The following DNHD1 variants were observed in gnomAD, a reference collection of about 807,000 sequenced individuals.
DNHD1 encodes dynein heavy chain domain-containing protein 1.
A neutral mutation model predicts 458.1 loss-of-function variants in DNHD1; 383 were observed. That is an observed-to-expected ratio of 0.84 (90% CI 0.77 to 0.91). DNHD1 has a LOEUF of 0.91. Ranked by LOEUF, DNHD1 falls within the 40% of genes least tolerant of loss-of-function variation. The probability of loss-of-function intolerance (pLI) is 0.00; values close to 1 mark genes in which losing one functional copy is unlikely to be tolerated. For missense variants in DNHD1, 5,336 were observed against 5,866.1 expected, an observed-to-expected ratio of 0.91 and a Z score of 2.95; for synonymous variants, 2,203 against 2,376.9, an observed-to-expected ratio of 0.93 and a Z score of 2.13.
At position 6,568,248 on chromosome 11, in the gene DNHD1, T is replaced by C; in HGVS notation, c.12538+6T>C. On this transcript the variant is annotated splice_donor_region_variant and intron_variant, in intron 37 of 42. Coordinates refer to ENST00000254579, the MANE Select transcript of DNHD1 (RefSeq NM_144666.3). Reference sequence around the variant, plus strand: ...ACTGTTAGGCAGAGCCAAGGGTGAGTTTATTGCCTAGATTGGCTTCCAGGA... The same window carrying C: ...ACTGTTAGGCAGAGCCAAGGGTGAGCTTATTGCCTAGATTGGCTTCCAGGA... 1 of 1,544,568 alleles carries C rather than the reference T, an allele frequency of 6.5e-7. No homozygotes were observed. The highest frequency in any genetic ancestry group is 8.8e-7 in the Non-Finnish European group (1 of 1,141,426).
At chr11:6,535,533 G>T (rs1166493003) in intron 14 of DNHD1, among the ~76,000 whole-genome samples, 1 of 152,196 alleles carries the variant, frequency 6.6e-6, no homozygotes, top group Non-Finnish European at 1.5e-5. Flanking sequence ...GTATTAAAGT[G>T]TTTAAAAAAG....
rs779739123 is a variant in DNHD1, at chr11:6,519,606, G to C, written c.1399G>C (p.Glu467Gln). ...TTCCACTCTATGCTCACAGGTTCACGAGGACACATACCACATGCAACAGTG... is the reference window on the plus strand; with the variant it reads ...TTCCACTCTATGCTCACAGGTTCACCAGGACACATACCACATGCAACAGTG... ...LCTSILRLVH[E>Q]DTYHMQQCLQ... is the part of the protein sequence containing the mutation. Residue 467 changes from glutamate to glutamine, a missense_variant, in exon 8 of 43, where the codon GAG (glutamate) becomes CAG (glutamine). Transcript: ENST00000254579. The C allele has an allele frequency of 5.0e-6, 8 of 1,614,048 alleles. No individual in the cohort carries two copies. Among genetic ancestry groups the C allele is most frequent in the Non-Finnish European group, 6.8e-6 (8 of 1,180,004 alleles).
Position 6,509,175 on chromosome 11 carries a change from G to A in DNHD1, c.1138G>A (p.Val380Met). The change falls in exon 6 of 43, where the codon GTG becomes ATG. Residue 380 changes from valine to methionine, a missense_variant. Coordinates refer to ENST00000254579, the MANE Select transcript of DNHD1 (RefSeq NM_144666.3). The part of the protein sequence containing the change: ...RKSFTCWKKN[V>M]RLQGLHRLQK... ...TCTAATTTCTAGTTGGAAGAAGAAT[G>A]TGAGATTACAGGGGCTGCATCGACT... 6.2e-7 allele frequency: 1 copy of A among 1,614,224 alleles called. No individual in the cohort carries two copies. Among genetic ancestry groups the A allele is most frequent in the Non-Finnish European group, 8.5e-7 (1 of 1,180,050 alleles).
intron 12 of DNHD1, among the ~76,000 whole-genome samples, chr11:6,530,445 G>A (rs1852802771): frequency 6.6e-6 from 1 of 152,202 alleles, no homozygotes; most frequent in African/African-American, 2.4e-5. Flanking sequence ...GGCTCACAGC[G>A]GGGTAGATTT....
At position 6,498,268 on chromosome 11, in the gene DNHD1, A is replaced by G. The variant is rs1391477071; in HGVS notation, c.53A>G (p.Asp18Gly). ...VGLSSDETSS[D>G]SLKSWHSICV... is the part of the protein sequence containing the mutation. ...TTGTCTTCTGATGAGACATCATCTG[A>G]TTCCCTTAAGTCTTGGCACTCCATA... is the stretch of plus-strand genomic sequence containing the variant. Residue 18 changes from aspartate (D) to glycine (G), a missense_variant, in exon 3 of 43, where the codon GAT (aspartate) becomes GGT (glycine). Asp to Gly is a moderately conservative substitution (Grantham distance 94). This residue lies in a region of DNHD1 where 3,932 missense variants were observed against 4,365.6 expected (regional missense o/e 0.90). Coordinates refer to ENST00000254579, the MANE Select transcript of DNHD1 (RefSeq NM_144666.3). The G allele has an allele frequency of 1.2e-6, 2 of 1,614,052 alleles. No homozygotes were observed. Among genetic ancestry groups the G allele is most frequent in the East Asian group, 4.5e-5 (2 of 44,882 alleles).
At chr11:6,569,920 A>G in intron 39 of DNHD1, 89 bp from the exon 40 acceptor site, 1 of 1,114,144 alleles carries the variant, frequency 9.0e-7, no homozygotes, top group Non-Finnish European at 1.3e-6. Flanking sequence ...CCCGAAGCTC[A>G]GGAGAGAGGT....
At position 6,533,932 on chromosome 11, in the gene DNHD1, A is replaced by C. The variant is rs1039102431; in HGVS notation, c.2757A>C (p.Lys919Asn). 10 of 1,551,164 alleles carry C rather than the reference A, an allele frequency of 6.4e-6. No homozygotes were observed. Among genetic ancestry groups the C allele is most frequent in the Non-Finnish European group, 8.7e-6 (10 of 1,146,904 alleles). ...LDMWEAFQFEKSQASEFLLSK... is the reference protein window; with the variant it reads ...LDMWEAFQFENSQASEFLLSK... ...TGTGGGAGGCATTTCAGTTTGAGAA[A>C]AGCCAGGCTTCAGAGTTCCTGCTCA... is the stretch of plus-strand genomic sequence containing the variant. Residue 919 changes from lysine (K) to asparagine (N), a missense_variant, in exon 14 of 43, where the codon AAA becomes AAC. Physicochemically the swap from Lys to Asn is moderately conservative, Grantham distance 94. This residue lies in a region of DNHD1 where 3,932 missense variants were observed against 4,365.6 expected (regional missense o/e 0.90). Coordinates refer to ENST00000254579, the MANE Select transcript of DNHD1 (RefSeq NM_144666.3).
intron 34 of DNHD1, 57 bp downstream of exon 34, chr11:6,566,450 C>T (rs1049822203): frequency 6.5e-6 from 10 of 1,548,004 alleles, no homozygotes; most frequent in Non-Finnish European, 8.7e-6. Context: ...AGGCCCTCAG[C>T]ACCAGCCCTA....
chr11:6,532,156 A>G (rs1365367927), intron 12 of DNHD1, among the ~76,000 whole-genome samples: 1 of 152,182 alleles, frequency 6.6e-6, no homozygotes. Context: ...CCATATTTCT[A>G]TATTGTATTT....
intron 26 of DNHD1, 45 bp downstream of exon 26, chr11:6,558,738 C>T: frequency 6.5e-7 from 1 of 1,539,222 alleles, no homozygotes; most frequent in South Asian, 1.2e-5. Context: ...CTACCAGGCT[C>T]TAATGAGGGT....
At position 6,540,503 on chromosome 11, in the gene DNHD1, A is replaced by G. The variant is rs115349443; in HGVS notation, c.3628+420A>G. 6.1e-3 allele frequency among the ~76,000 whole-genome samples: 934 copies of G among 152,292 alleles called. 13 individuals carry two copies. The highest frequency in any genetic ancestry group is 0.021 in the African/African-American group (891 of 41,556). ...TGTGCTAAACACAGGAGACCTTGAG[A>G]CTTACAGACAGTATCCCTGTCCCCC... On this transcript the variant is annotated intron_variant, in intron 18 of 42. Transcript: ENST00000254579.
Position 6,571,764 on chromosome 11 carries a change from T to G in DNHD1, c.14040T>G (p.Pro4680=). ...ACAGTCCTTCCAGCCAACCCAGCCC[T>G]CTGCCTCCCGTCAGCATCAGCACAC... ...LQDSPSSQPS[P]LPPVSISTQA... is the part of the protein sequence containing the mutation. Residue 4680 remains proline, a synonymous_variant, in exon 43 of 43, where the codon CCT becomes CCG. Transcript: ENST00000254579. The surrounding 1 kb of genome is among the most constrained non-coding windows in gnomAD (Gnocchi z 5.0). 6.2e-7 allele frequency: 1 copy of G among 1,613,768 alleles called. No individual in the cohort carries two copies. Among genetic ancestry groups the G allele is most frequent in the Non-Finnish European group, 8.5e-7 (1 of 1,179,802 alleles).
chr11:6,547,702 G>A (rs1853253746), intron 21 of DNHD1, 36 bp downstream of exon 21: 4 of 1,497,174 alleles, frequency 2.7e-6, no homozygotes, highest in Non-Finnish European at 3.6e-6. Flanking sequence ...AGAGAGATGG[G>A]GCCTTAAGGG....
chr11:6,563,713 G>A lies in DNHD1; in HGVS notation c.9873G>A (p.Lys3291=). ...TCCAGGAGCTGGTGTTCTTCCCCAA[G>A]GAGAAGATAACAGACTCAGAGCTGA... ...DFYQELVFFP[K]EKITDSELIK... is the part of the protein sequence containing the mutation. Residue 3291 remains lysine (K), a synonymous_variant, in exon 31 of 43, where the codon AAG becomes AAA. Coordinates refer to ENST00000254579, the MANE Select transcript of DNHD1 (RefSeq NM_144666.3). The A allele has an allele frequency of 6.5e-7, 1 of 1,545,856 alleles. No individual in the cohort carries two copies. The highest frequency in any genetic ancestry group is 8.7e-7 in the Non-Finnish European group (1 of 1,143,672).
Position 6,567,403 on chromosome 11 carries a change from CCAGCA to C in DNHD1, c.11898_11902del (p.Thr3967ProfsTer21), listed in dbSNP as rs1343820760. 1.2e-6 allele frequency: 2 copies of C among 1,613,492 alleles called. No homozygotes were observed. The highest frequency in any genetic ancestry group is 1.7e-6 in the Non-Finnish European group (2 of 1,179,708). On this transcript the variant is annotated frameshift_variant, in exon 36 of 43. Transcript: ENST00000254579. LOFTEE classifies it high-confidence loss of function. ...CTCTGGCCTGGACTAGCAGCCTCTC[CCAGCA>C]CAGTCCACAGCAAGCCAGTCTCAGA...
chr11:6,569,675 T>C (rs1338665765), intron 39 of DNHD1, among the ~76,000 whole-genome samples: 1 of 151,802 alleles, frequency 6.6e-6, no homozygotes, highest in Non-Finnish European at 1.5e-5. Flanking sequence ...ACTCTGGAAG[T>C]CTCCAGGGAA....
intron 10 of DNHD1, among the ~76,000 whole-genome samples, chr11:6,522,471 G>T (rs1378460694): frequency 2.0e-5 from 3 of 152,176 alleles, no homozygotes; most frequent in Admixed American, 6.5e-5. Flanking sequence ...ACTTAAGGGT[G>T]GAGGGTGAGA....
In DNHD1 at chr11:6,546,750, T is replaced by C. The variant is rs1035980052; in HGVS notation, c.5811T>C (p.Pro1937=). 2 of 1,551,676 alleles carry C rather than the reference T, an allele frequency of 1.3e-6. No individual in the cohort carries two copies. The highest frequency in any genetic ancestry group is 2.7e-5 in the African/African-American group (2 of 73,060). The change falls in exon 21 of 43, where the codon CCT becomes CCC. Residue 1937 remains proline (P), a synonymous_variant. Coordinates refer to ENST00000254579, the MANE Select transcript of DNHD1 (RefSeq NM_144666.3). The part of the protein sequence containing the change: ...NLRGLLCALF[P]SASQVLAEPM... The stretch of plus-strand genomic sequence containing the variant: ...GAGGGCTGTTGTGTGCGCTTTTCCC[T>C]AGCGCCAGCCAAGTGCTGGCAGAAC...
At chr11:6,549,690 A>C (rs1853295536) in intron 24 of DNHD1, among the ~76,000 whole-genome samples, 1 of 152,244 alleles carries the variant, frequency 6.6e-6, no homozygotes, top group East Asian at 1.9e-4. Flanking sequence ...ATCTGTGATA[A>C]CCATGATTTT....
Sources: gnomAD v4.1 joint callset for allele counts (sites outside exome capture counted in the v4.1 genomes callset) on GRCh38, gnomAD v4.1.1 for gene constraint, gnomAD v4.1.1 regional missense constraint, Gnocchi (gnomAD v3.1) non-coding constraint, MANE v1.5 for transcripts, NCBI Gene and HGNC (gene_info 2026-07-23, HGNC 2026-07-21) for gene names.